SEC23A: variants seen among roughly 807,000 people sequenced by gnomAD.
SEC23A encodes the protein SEC23 homolog A, COPII component.
SEC23A carries 56 observed loss-of-function variants against 103.7 expected under a neutral mutation model. The observed-to-expected ratio is 0.54, with a 90% CI of 0.44 to 0.67. The LOEUF (loss-of-function observed/expected upper bound fraction) is 0.67. SEC23A is among the 30% of genes least tolerant of loss of function. SEC23A has a pLI of 0.00. For missense variants in SEC23A, 784 were observed against 936.4 expected, an observed-to-expected ratio of 0.84 and a Z score of 2.12; for synonymous variants, 281 against 293.0, an observed-to-expected ratio of 0.96 and a Z score of 0.42.
Position 39,045,234 on chromosome 14 carries a change from G to C in SEC23A, c.1828C>G (p.Gln610Glu). 1.9e-6 allele frequency: 3 copies of C among 1,613,426 alleles called. No homozygotes were observed. The highest frequency in any genetic ancestry group is 2.2e-5 in the East Asian group (1 of 44,796). ...ATAATTAGAGACTGGGTCAGATCTT[G>C]ACGCATAAAATGGTGACGATAATAT... Reference protein sequence around the residue: ...SSYYRHHFMRQDLTQSLIMIQ... With the variant: ...SSYYRHHFMREDLTQSLIMIQ... The change falls in exon 16 of 20, where the codon CAA (glutamine) becomes GAA (glutamate). Residue 610 changes from glutamine to glutamate, a missense_variant. Transcript: ENST00000307712.
intron 14 of SEC23A, 148 bp downstream of exon 14, chr14:39,054,995 T>C (rs1033703735): frequency 1.2e-6 from 1 of 849,604 alleles, no homozygotes; most frequent in Non-Finnish European, 1.9e-6. Flanking sequence ...TATTCATTAC[T>C]GTGCTACTGT....
intron 13 of SEC23A, among the ~76,000 whole-genome samples, chr14:39,059,632 A>AT (rs1481315823): frequency 6.6e-6 from 1 of 152,156 alleles, no homozygotes; most frequent in African/African-American, 2.4e-5. Flanking sequence ...ACACATCTGC[A>AT]TTATCATTCT....
intron 19 of SEC23A, among the ~76,000 whole-genome samples, chr14:39,036,978 C>A (rs779409557): frequency 3.3e-5 from 5 of 152,120 alleles, no homozygotes; most frequent in Non-Finnish European, 5.9e-5. Flanking sequence ...CAACTGTCTG[C>A]GGCATGTCAG....
intron 5 of SEC23A, chr14:39,088,540 T>C (rs886763451): frequency 6.6e-6 from 1 of 151,710 alleles, no homozygotes; most frequent in Non-Finnish European, 1.5e-5. Context: ...AAGACCAACC[T>C]TGGCTAACAT....
intron 13 of SEC23A, among the ~76,000 whole-genome samples, chr14:39,060,065 C>A (rs1320509144): frequency 6.6e-6 from 1 of 151,596 alleles, no homozygotes; most frequent in East Asian, 1.9e-4. Context: ...TTTCCTTAAG[C>A]AAATGTTCTG....
intron 2 of SEC23A, among the ~76,000 whole-genome samples, chr14:39,095,513 G>A (rs1887855116): frequency 1.3e-5 from 2 of 152,054 alleles, no homozygotes; most frequent in Non-Finnish European, 2.9e-5. Context: ...CGTCAGGCTG[G>A]TCTCGAACTC....
chr14:39,039,259 CTAAG>C (rs1187791121), intron 18 of SEC23A, 163 bp from the exon 19 acceptor site: 25 of 609,326 alleles, frequency 4.1e-5, no homozygotes, highest in East Asian at 8.5e-5. Context: ...GTATAGGTCA[CTAAG>C]TGTTACAAAT....
At chr14:39,100,943 A>G (rs1888069608) in intron 1 of SEC23A, among the ~76,000 whole-genome samples, 1 of 151,854 alleles carries the variant, frequency 6.6e-6, no homozygotes, top group African/African-American at 2.4e-5. Flanking sequence ...TCCCGGGTTC[A>G]GGCGATTCTC....
intron 19 of SEC23A, 46 bp downstream of exon 19, chr14:39,038,982 CAAT>C (rs1383124341): frequency 1.4e-6 from 2 of 1,468,512 alleles, no homozygotes; most frequent in Non-Finnish European, 9.5e-7. Flanking sequence ...AAATAATAAA[CAAT>C]AAATACACAA....
intron 2 of SEC23A, among the ~76,000 whole-genome samples, chr14:39,094,436 ATATATATTTTT>A (rs1887813032): frequency 5.6e-4 from 12 of 21,524 alleles, no homozygotes; most frequent in African/African-American, 5.6e-4. Flanking sequence ...ATATATATAT[ATATATATTTTT>A]TTTTTTTTTT....
At chr14:39,050,537 T>C (rs373360731) in intron 14 of SEC23A, among the ~76,000 whole-genome samples, 9 of 152,206 alleles carry the variant, frequency 5.9e-5, no homozygotes, top group Admixed American at 1.3e-4. Flanking sequence ...TTAGATGAAG[T>C]GTTTACCCAG....
intron 14 of SEC23A, among the ~76,000 whole-genome samples, chr14:39,054,085 G>A (rs1886160134): frequency 6.6e-6 from 1 of 151,858 alleles, no homozygotes. Context: ...GACCACCTTG[G>A]GCAACATAAG....
intron 14 of SEC23A, among the ~76,000 whole-genome samples, chr14:39,053,896 A>C (rs1015354408): frequency 6.6e-6 from 1 of 151,218 alleles, no homozygotes; most frequent in Non-Finnish European, 1.5e-5. Context: ...ACTCTGGGAG[A>C]CTAAGGTGGG....
At chr14:39,051,331 TATC>T (rs1886052138) in intron 14 of SEC23A, among the ~76,000 whole-genome samples, 1 of 152,160 alleles carries the variant, frequency 6.6e-6, no homozygotes, top group African/African-American at 2.4e-5. Context: ...CTTCAGTCAT[TATC>T]ATAAAATGGG....
chr14:39,089,476 T>C (rs1887584274), intron 5 of SEC23A, among the ~76,000 whole-genome samples: 2 of 94,168 alleles, frequency 2.1e-5, no homozygotes, highest in African/African-American at 5.4e-5. Context: ...CTCCGCTTCC[T>C]GTGCTCCTGA....
intron 13 of SEC23A, 48 bp downstream of exon 13, chr14:39,061,717 C>A: frequency 7.5e-7 from 1 of 1,332,124 alleles, no homozygotes; most frequent in Non-Finnish European, 1.1e-6. Flanking sequence ...GAAACACAAC[C>A]CAGATACCTG....
chr14:39,077,604 C>A (rs1352148789), intron 7 of SEC23A, among the ~76,000 whole-genome samples: 1 of 151,964 alleles, frequency 6.6e-6, no homozygotes, highest in African/African-American at 2.4e-5. Context: ...AAAAAGTATG[C>A]ATGACTTACA....
chr14:39,069,794 C>G (rs1210155423), intron 9 of SEC23A, among the ~76,000 whole-genome samples: 1 of 152,090 alleles, frequency 6.6e-6, no homozygotes, highest in African/African-American at 2.4e-5. Context: ...ACTTGCTATT[C>G]CTCACTTGGA....
In SEC23A at chr14:39,032,532, A is replaced by G. The variant is rs1885336809; in HGVS notation, c.*707T>C. On this transcript the variant is annotated 3_prime_UTR_variant, in exon 20 of 20. Coordinates refer to ENST00000307712, the MANE Select transcript of SEC23A (RefSeq NM_006364.4). ...ACTCCAACAAAACCATTTATTTTCT[A>G]TCTCCCCTTTTAAAAAAACTACTGC... The G allele has an allele frequency of 6.6e-6, 1 of 152,558 alleles. No homozygotes were observed. The highest frequency in any genetic ancestry group is 2.4e-5 in the African/African-American group (1 of 41,430). The allele number at this position is 152,558 out of a possible 1,614,324, so 9.5% of individuals were successfully genotyped here.
Sources: allele counts gnomAD v4.1 joint callset (sites outside exome capture counted in the v4.1 genomes callset), GRCh38; gene constraint gnomAD v4.1.1; transcripts MANE v1.5; gene names NCBI Gene and HGNC (gene_info 2026-07-23, HGNC 2026-07-21).